CNTLN: variants seen among roughly 807,000 people sequenced by gnomAD.
CNTLN encodes the protein centlein, centrosomal protein.
A neutral mutation model predicts 180.0 loss-of-function variants in CNTLN; 212 were observed. The ratio of observed to expected loss-of-function variants is 1.18; its 90% CI spans 1.05 to 1.32. CNTLN has a LOEUF of 1.32. Among genes scored for constraint, CNTLN ranks in the 40% most tolerant of loss-of-function variants. The probability of loss-of-function intolerance (pLI) is 0.00; values close to 1 mark genes in which losing one functional copy is unlikely to be tolerated. For missense variants in CNTLN, 2,095 were observed against 1,610.9 expected (o/e 1.30, Z -5.14); for synonymous variants, 722 against 563.1 (o/e 1.28, Z -3.99).
chr9:17,206,476 T>C (rs909433621), intron 2 of CNTLN, among the ~76,000 whole-genome samples: 4 of 152,202 alleles, frequency 2.6e-5, no homozygotes, highest in Non-Finnish European at 4.4e-5. Flanking sequence ...TGTTATGTGA[T>C]ATACCTAACA....
In CNTLN at chr9:17,340,822, T is replaced by G; in HGVS notation, c.1645-5T>G. The G allele has an allele frequency of 6.2e-7, 1 of 1,608,840 alleles. No individual in the cohort carries two copies. The highest frequency in any genetic ancestry group is 8.5e-7 in the Non-Finnish European group (1 of 1,177,550). Reference sequence around the variant, plus strand: ...TATATATACTTGCTTTTTTGTGTTCTACAGAGCCAAGAAAATGATGAGCTA... The same window carrying G: ...TATATATACTTGCTTTTTTGTGTTCGACAGAGCCAAGAAAATGATGAGCTA... On this transcript the variant is annotated splice_region_variant and splice_polypyrimidine_tract_variant and intron_variant, in intron 10 of 25. Coordinates refer to ENST00000380647, the MANE Select transcript of CNTLN (RefSeq NM_017738.4).
At chr9:17,171,831 A>G (rs1820439467) in intron 2 of CNTLN, among the ~76,000 whole-genome samples, 1 of 151,832 alleles carries the variant, frequency 6.6e-6, no homozygotes, top group South Asian at 2.1e-4. Flanking sequence ...AGTTATAGGT[A>G]GCTCCAGGGT....
chr9:17,445,733 C>T (rs1037423806), intron 18 of CNTLN, among the ~76,000 whole-genome samples: 2 of 152,064 alleles, frequency 1.3e-5, no homozygotes, highest in Non-Finnish European at 2.9e-5. Flanking sequence ...TGAAATATGG[C>T]CTCGTGGGAA....
chr9:17,317,912 A>C (rs1337105010), intron 8 of CNTLN, among the ~76,000 whole-genome samples: 4 of 151,970 alleles, frequency 2.6e-5, no homozygotes, highest in Non-Finnish European at 5.9e-5. Flanking sequence ...TATAGATTTT[A>C]CTCTGAGTGA....
intron 2 of CNTLN, among the ~76,000 whole-genome samples, chr9:17,150,715 C>T (rs1331118190): frequency 3.3e-5 from 5 of 152,132 alleles, no homozygotes; most frequent in East Asian, 1.9e-4. Context: ...ATGGGGACAG[C>T]ATTGAATCTA....
intron 7 of CNTLN, among the ~76,000 whole-genome samples, chr9:17,306,515 T>G (rs1818727088): frequency 6.6e-6 from 1 of 152,174 alleles, no homozygotes; most frequent in Non-Finnish European, 1.5e-5. Context: ...AGAGCCTTCT[T>G]CCATGAATGA....
At chr9:17,336,080 G>T (rs968378547) in intron 10 of CNTLN, among the ~76,000 whole-genome samples, 20 of 152,036 alleles carry the variant, frequency 1.3e-4, no homozygotes, top group African/African-American at 4.8e-4. Flanking sequence ...TATCCTGTAG[G>T]AAAATATATT....
intron 5 of CNTLN, among the ~76,000 whole-genome samples, chr9:17,246,864 C>T (rs1379020692): frequency 6.7e-6 from 1 of 149,274 alleles, no homozygotes; most frequent in African/African-American, 2.5e-5. Context: ...CCTGTTGGGA[C>T]CAGGTCTCTC....
intron 2 of CNTLN, among the ~76,000 whole-genome samples, chr9:17,169,097 A>G (rs1820268397): frequency 6.6e-6 from 1 of 152,152 alleles, no homozygotes; most frequent in South Asian, 2.1e-4. Context: ...CTCTGGGCTC[A>G]ACTGATTCTC....
chr9:17,468,729 G>A (rs959309824), intron 23 of CNTLN, among the ~76,000 whole-genome samples: 4 of 151,482 alleles, frequency 2.6e-5, no homozygotes, highest in Non-Finnish European at 5.9e-5. Flanking sequence ...AAGGTAATGG[G>A]TATATTTCTC....
At chr9:17,264,538 G>T (rs1324684220) in intron 5 of CNTLN, among the ~76,000 whole-genome samples, 2 of 150,860 alleles carry the variant, frequency 1.3e-5, no homozygotes, top group African/African-American at 2.4e-5. Flanking sequence ...CTCTCTTTTG[G>T]TTCCATATGA....
intron 2 of CNTLN, among the ~76,000 whole-genome samples, chr9:17,151,379 G>C (rs111795940): frequency 2.0e-5 from 3 of 152,084 alleles, no homozygotes; most frequent in Non-Finnish European, 2.9e-5. Context: ...TTTATTGAAG[G>C]CCTTTTCTGC....
At chr9:17,434,177 A>G (rs1055088885) in intron 18 of CNTLN, among the ~76,000 whole-genome samples, 1 of 151,756 alleles carries the variant, frequency 6.6e-6, no homozygotes, top group Admixed American at 6.6e-5. Context: ...AATTTAGTTG[A>G]TTTTTCAAGA....
intron 6 of CNTLN, among the ~76,000 whole-genome samples, chr9:17,296,688 T>G (rs1817964061): frequency 6.6e-6 from 1 of 152,184 alleles, no homozygotes. Context: ...TTACATTTCC[T>G]GAAGGCATTG....
At chr9:17,473,732 C>T (rs1306102123) in intron 23 of CNTLN, among the ~76,000 whole-genome samples, 2 of 152,262 alleles carry the variant, frequency 1.3e-5, no homozygotes, top group African/African-American at 4.8e-5. Flanking sequence ...TCTTATCTTC[C>T]ATTCTGTTTT....
intron 12 of CNTLN, among the ~76,000 whole-genome samples, chr9:17,361,094 G>T (rs1048042927): frequency 7.9e-5 from 12 of 151,852 alleles, no homozygotes; most frequent in South Asian, 6.3e-4. Context: ...AAGTTTTAGG[G>T]TACATGTGCA....
chr9:17,164,636 A>G (rs964265313), intron 2 of CNTLN, among the ~76,000 whole-genome samples: 3 of 150,612 alleles, frequency 2.0e-5, no homozygotes, highest in Admixed American at 6.6e-5. Context: ...TTGTAGAGAC[A>G]GGGTTTCACT....
intron 2 of CNTLN, among the ~76,000 whole-genome samples, chr9:17,212,939 C>T (rs1188268266): frequency 6.6e-6 from 1 of 151,974 alleles, no homozygotes; most frequent in East Asian, 1.9e-4. Context: ...TTTGATTCTT[C>T]TCTCTTTTCT....
At chr9:17,194,832 T>C (rs555912641) in intron 2 of CNTLN, among the ~76,000 whole-genome samples, 1 of 152,214 alleles carries the variant, frequency 6.6e-6, no homozygotes, top group Non-Finnish European at 1.5e-5. Context: ...TAATTGGACT[T>C]ACAGTTTTAC....
Sources: allele counts gnomAD v4.1 joint callset (sites outside exome capture counted in the v4.1 genomes callset), GRCh38; gene constraint gnomAD v4.1.1; transcripts MANE v1.5; gene names NCBI Gene and HGNC (gene_info 2026-07-23, HGNC 2026-07-21).